PTBP2: variants seen among roughly 807,000 people sequenced by gnomAD.
The protein encoded by PTBP2 is polypyrimidine tract-binding protein 2.
PTBP2 carries 13 observed loss-of-function variants against 61.4 expected under a neutral mutation model. The ratio of observed to expected loss-of-function variants is 0.21; its 90% CI spans 0.14 to 0.34. The LOEUF (loss-of-function observed/expected upper bound fraction) is 0.34, where lower values mean the gene tolerates loss of function less well. PTBP2 is among the 10% of genes least tolerant of loss of function. The pLI, the probability that PTBP2 is intolerant of heterozygous loss-of-function variation, is 1.00. For missense variants in PTBP2, 405 were observed against 642.6 expected (o/e 0.63, Z 4.00); for synonymous variants, 215 against 218.5 (o/e 0.98, Z 0.14).
chr1:96,817,646 AG>A (rs1189355715), downstream of PTBP2: 3 of 152,126 alleles, frequency 2.0e-5, no homozygotes, highest in African/African-American at 7.2e-5. Flanking sequence ...ATTATATATT[AG>A]TTGAAAGAAA....
intron 2 of PTBP2, among the ~76,000 whole-genome samples, chr1:96,735,154 G>A (rs1570719910): frequency 6.6e-6 from 1 of 152,182 alleles, no homozygotes; most frequent in East Asian, 1.9e-4. Flanking sequence ...CTGACCTCAA[G>A]TGATCTGCCC....
In PTBP2 at chr1:96,813,661, C is replaced by CTTTTTTTTTTTTTTTTTTTT. The variant is rs66475516; in HGVS notation, c.*258_*277dup. ...TGTTTAAAATTTCAGTTTAATTTTG[C>CTTTTTTTTTTTTTTTTTTTT]TTTTTTTTTTTTTTTTTTTTTCCTT... On this transcript the variant is annotated 3_prime_UTR_variant, in exon 14 of 14. Transcript: ENST00000674951. 1 of 120,696 alleles carries CTTTTTTTTTTTTTTTTTTTT rather than the reference C, an allele frequency of 8.3e-6. No homozygotes were observed. The highest frequency in any genetic ancestry group is 4.0e-5 in the African/African-American group (1 of 24,934). The allele number at this position is 120,696 out of a possible 1,614,324, so 7.5% of individuals were successfully genotyped here.
intron 2 of PTBP2, among the ~76,000 whole-genome samples, chr1:96,726,498 C>T (rs528657807): frequency 3.3e-5 from 5 of 150,646 alleles, no homozygotes; most frequent in East Asian, 3.9e-4. Flanking sequence ...AGTGCAGTGT[C>T]GCGATCTCTG....
intron 2 of PTBP2, among the ~76,000 whole-genome samples, chr1:96,745,471 T>C (rs1653630895): frequency 6.6e-6 from 1 of 152,158 alleles, no homozygotes; most frequent in Non-Finnish European, 1.5e-5. Flanking sequence ...CCAATATTGC[T>C]TTTTAATCCC....
At chr1:96,778,731 A>G (rs905826723) in intron 7 of PTBP2, among the ~76,000 whole-genome samples, 3 of 151,980 alleles carry the variant, frequency 2.0e-5, no homozygotes, top group South Asian at 2.1e-4. Flanking sequence ...TCTTCCTTTC[A>G]TTCATTCTTT....
At chr1:96,731,895 G>A (rs1010591436) in intron 2 of PTBP2, among the ~76,000 whole-genome samples, 1 of 151,966 alleles carries the variant, frequency 6.6e-6, no homozygotes, top group Non-Finnish European at 1.5e-5. Context: ...CAAAGTAATC[G>A]GCCTATTACT....
intron 3 of PTBP2, among the ~76,000 whole-genome samples, chr1:96,760,434 A>G (rs1305914887): frequency 1.4e-5 from 2 of 140,194 alleles, no homozygotes; most frequent in Non-Finnish European, 3.1e-5. Flanking sequence ...TTGGGAAAAT[A>G]GTTTGCTTTT....
At chr1:96,819,963 A>G (rs775450559), downstream of PTBP2, 5 of 151,982 alleles carry the variant, frequency 3.3e-5, no homozygotes, top group Non-Finnish European at 5.9e-5. Context: ...AGGAAGAGAT[A>G]GAAACATTGC....
chr1:96,769,089 T>C (rs1385488676), intron 3 of PTBP2, among the ~76,000 whole-genome samples: 1 of 152,064 alleles, frequency 6.6e-6, no homozygotes, highest in African/African-American at 2.4e-5. Context: ...GAGGATACTC[T>C]CGGAGAAATG....
At chr1:96,724,551 C>A (rs538437487) in intron 2 of PTBP2, among the ~76,000 whole-genome samples, 1 of 152,034 alleles carries the variant, frequency 6.6e-6, no homozygotes, top group Non-Finnish European at 1.5e-5. Context: ...AAGTGTGAGC[C>A]ACCGTGCCCG....
At chr1:96,791,628 A>T (rs751342399) in intron 8 of PTBP2, among the ~76,000 whole-genome samples, 1 of 152,078 alleles carries the variant, frequency 6.6e-6, no homozygotes. Context: ...TCTAAGAACT[A>T]ATCTTTTTGG....
In PTBP2 at chr1:96,791,828, T is replaced by TTTTTTTGTTTTTTTTTTTG. The variant is rs367588623; in HGVS notation, c.904+6580_904+6581insGTTTTTTTTTTTGTTTTTT. Among the ~76,000 whole-genome samples, 42 of 75,722 alleles carry TTTTTTTGTTTTTTTTTTTG rather than the reference T, an allele frequency of 5.5e-4. 1 individual carries two copies. The highest frequency in any genetic ancestry group is 2.1e-3 in the African/African-American group (40 of 18,908). The allele number at this position is 75,722 out of a possible 152,430, so 49.7% of individuals were successfully genotyped here. Reference sequence around the variant, plus strand: ...CACCTCTGTTGCTTGGAGTTGTGCTTTTTTTTTTTTTTTTTTTTTTTGAGA... The same window carrying TTTTTTTGTTTTTTTTTTTG: ...CACCTCTGTTGCTTGGAGTTGTGCTTTTTTTTGTTTTTTTTTTTGTTTTTTTTTTTTTTTTTTTTTGAGA... On this transcript the variant is annotated intron_variant, in intron 8 of 13. Transcript: ENST00000674951.
intron 8 of PTBP2, among the ~76,000 whole-genome samples, chr1:96,797,322 AAAGT>A (rs1180738170): frequency 6.6e-6 from 1 of 152,210 alleles, no homozygotes; most frequent in African/African-American, 2.4e-5. Context: ...CATTAGAAGA[AAAGT>A]AAGTTTTTAA....
intron 2 of PTBP2, among the ~76,000 whole-genome samples, chr1:96,747,404 AT>A (rs1329586353): frequency 6.6e-6 from 1 of 152,154 alleles, no homozygotes; most frequent in African/African-American, 2.4e-5. Context: ...TAATTTAAAA[AT>A]CCTTACATAC....
At chr1:96,751,547 C>T (rs1272087227) in intron 3 of PTBP2, 47 bp downstream of exon 3, 2 of 1,423,066 alleles carry the variant, frequency 1.4e-6, no homozygotes, top group African/African-American at 2.9e-5. Context: ...TTTTAGGGGG[C>T]AGAATGTTAA....
At chr1:96,809,774 C>T (rs190709405) in intron 11 of PTBP2, among the ~76,000 whole-genome samples, 5 of 151,932 alleles carry the variant, frequency 3.3e-5, no homozygotes, top group East Asian at 3.9e-4. Context: ...TAAAATTAAG[C>T]GATAAAGTAC....
chr1:96,762,500 CCCGCCACCTCCCTCCCGGACGGGGCG>C, intron 3 of PTBP2, among the ~76,000 whole-genome samples: 2 of 96,706 alleles, frequency 2.1e-5, no homozygotes, highest in Non-Finnish European at 4.2e-5. Context: ...GGGGCTGACC[CCCGCCACCTCCCTCCCGGACGGGGCG>C]GCTGGCCGGG....
rs191954189 is a variant in PTBP2, at chr1:96,799,518, G to T, written c.905-5282G>T. ...TCATCGTGTTAGCCAGGATGGTCTC[G>T]ATCTCCTGACCTTGTGATAGATCAA... On this transcript the variant is annotated intron_variant, in intron 8 of 13. Coordinates refer to ENST00000674951, the MANE Select transcript of PTBP2 (RefSeq NM_021190.4). Among the ~76,000 whole-genome samples, 7 of 151,890 alleles carry T rather than the reference G, an allele frequency of 4.6e-5. No individual in the cohort carries two copies. In the East Asian group the frequency reaches 1.4e-3, roughly 29 times the overall value.
intron 11 of PTBP2, among the ~76,000 whole-genome samples, chr1:96,811,375 A>ATC (rs775918062): frequency 1.3e-5 from 2 of 152,006 alleles, no homozygotes; most frequent in Admixed American, 6.6e-5. Context: ...TAATTTCCTG[A>ATC]TCTTCCACAT....
Sources: allele counts gnomAD v4.1 joint callset (sites outside exome capture counted in the v4.1 genomes callset), GRCh38; gene constraint gnomAD v4.1.1; transcripts MANE v1.5; gene names NCBI Gene and HGNC (gene_info 2026-07-23, HGNC 2026-07-21).